The following PHLPP1 variants were observed in gnomAD, a reference collection of about 807,000 sequenced individuals.
PHLPP1 encodes PH domain and leucine rich repeat protein phosphatase 1.
A neutral mutation model predicts 117.2 loss-of-function variants in PHLPP1; 42 were observed. That is an observed-to-expected ratio of 0.36 (90% CI 0.28 to 0.46). PHLPP1 has a LOEUF of 0.46. Among genes scored for constraint, PHLPP1 ranks in the 20% least tolerant of loss-of-function variants. The probability of loss-of-function intolerance (pLI) is 1.00; values close to 1 mark genes in which losing one functional copy is unlikely to be tolerated. For synonymous variants in PHLPP1, 1,042 were observed against 970.7 expected (o/e 1.07, Z -1.37); for missense variants, 2,084 against 2,241.9 (o/e 0.93, Z 1.42).
chr18:62,922,924 T>C (rs1666934567), intron 10 of PHLPP1, among the ~76,000 whole-genome samples: 1 of 152,192 alleles, frequency 6.6e-6, no homozygotes, highest in Admixed American at 6.5e-5. Flanking sequence ...GTTGGCTTTG[T>C]AATTCTGTGC....
At chr18:62,916,481 T>C (rs1426247176) in intron 9 of PHLPP1, among the ~76,000 whole-genome samples, 2 of 151,938 alleles carry the variant, frequency 1.3e-5, no homozygotes, top group Non-Finnish European at 2.9e-5. Flanking sequence ...AATTTCATTA[T>C]GTTCTGCAGC....
chr18:62,780,819 A>T (rs1005538342), intron 1 of PHLPP1, among the ~76,000 whole-genome samples: 1 of 152,180 alleles, frequency 6.6e-6, no homozygotes, highest in Non-Finnish European at 1.5e-5. Flanking sequence ...CTGTATACTG[A>T]TGCATCTCAA....
chr18:62,874,812 A>T (rs1916007429), intron 4 of PHLPP1, among the ~76,000 whole-genome samples: 1 of 152,212 alleles, frequency 6.6e-6, no homozygotes, highest in Non-Finnish European at 1.5e-5. Flanking sequence ...ACACAGACGG[A>T]GGAGAATGGG....
At position 62,751,677 on chromosome 18, in the gene PHLPP1, G is replaced by C. The variant is rs1911858694; in HGVS notation, c.1576+34418G>C. 2.6e-5 allele frequency among the ~76,000 whole-genome samples: 4 copies of C among 152,140 alleles called. No individual in the cohort carries two copies. The East Asian group carries it at 7.7e-4, about 29-fold the overall frequency. On this transcript the variant is annotated intron_variant, in intron 1 of 16. Transcript: ENST00000262719. ...CCTGCACTATCTTTCCTGTCTGGAT[G>C]CCAGGCCCTATTCATGGTGTTCTCA...
At chr18:62,766,412 C>T (rs181925708) in intron 1 of PHLPP1, among the ~76,000 whole-genome samples, 41 of 152,008 alleles carry the variant, frequency 2.7e-4, no homozygotes, top group African/African-American at 9.2e-4. Context: ...GACTTATCTT[C>T]GAGTTTGGAA....
chr18:62,968,186 A>G (rs960268736), intron 14 of PHLPP1, among the ~76,000 whole-genome samples: 7 of 152,292 alleles, frequency 4.6e-5, no homozygotes, highest in Admixed American at 1.3e-4. Context: ...GAGGATGTCT[A>G]TATTCCATGG....
At chr18:62,774,376 G>T (rs1042541058) in intron 1 of PHLPP1, among the ~76,000 whole-genome samples, 1 of 152,178 alleles carries the variant, frequency 6.6e-6, no homozygotes, top group African/African-American at 2.4e-5. Flanking sequence ...TTTGTCAGCT[G>T]CCAATTGGGT....
At chr18:62,892,065 CT>C (rs1208326353) in intron 4 of PHLPP1, among the ~76,000 whole-genome samples, 8 of 132,076 alleles carry the variant, frequency 6.1e-5, no homozygotes, top group African/African-American at 2.1e-4. Flanking sequence ...CATTTTCTTT[CT>C]TTTCTTTCTT....
At chr18:62,848,600 A>G (rs560828282) in intron 3 of PHLPP1, among the ~76,000 whole-genome samples, 1 of 151,528 alleles carries the variant, frequency 6.6e-6, no homozygotes, top group Non-Finnish European at 1.5e-5. Context: ...AGTAACTGGG[A>G]CCACAGGCAT....
chr18:62,809,964 A>G (rs1467403704), intron 1 of PHLPP1, among the ~76,000 whole-genome samples: 1 of 152,218 alleles, frequency 6.6e-6, no homozygotes, highest in South Asian at 2.1e-4. Context: ...GCAAAAGTTT[A>G]TAAGATTGTT....
chr18:62,942,014 C>G (rs550794317), intron 11 of PHLPP1, 96 bp downstream of exon 11: 1 of 997,906 alleles, frequency 1.0e-6, no homozygotes, highest in Admixed American at 2.4e-5. Flanking sequence ...CAGGTGATGT[C>G]AAGTTTGTTT....
chr18:62,868,069 C>A (rs1476084692), intron 4 of PHLPP1, among the ~76,000 whole-genome samples: 1 of 152,130 alleles, frequency 6.6e-6, no homozygotes, highest in Non-Finnish European at 1.5e-5. Context: ...GTCAGCCTCC[C>A]AAAGTGCTGG....
At chr18:62,814,304 A>G (rs1251847462) in intron 1 of PHLPP1, among the ~76,000 whole-genome samples, 2 of 152,182 alleles carry the variant, frequency 1.3e-5, no homozygotes, top group South Asian at 2.1e-4. Context: ...GCTAAAAAGC[A>G]GTTAGTCTTA....
chr18:62,954,843 A>G (rs553207983), intron 12 of PHLPP1, among the ~76,000 whole-genome samples: 2 of 152,356 alleles, frequency 1.3e-5, no homozygotes, highest in South Asian at 4.1e-4. Context: ...GAAACACCTT[A>G]CAAGAGTCCT....
intron 10 of PHLPP1, among the ~76,000 whole-genome samples, chr18:62,929,528 A>G (rs1382633790): frequency 6.6e-6 from 1 of 152,222 alleles, no homozygotes; most frequent in African/African-American, 2.4e-5. Context: ...CCACCAAGAA[A>G]TAACTAGTAT....
rs752571717 is a variant in PHLPP1 at position 62,716,902 on chromosome 18, C to A, written c.1219C>A (p.Pro407Thr). The change falls in exon 1 of 17, where the codon CCC becomes ACC. Residue 407 changes from proline to threonine, a missense_variant. This residue lies in a region of PHLPP1 where 719 missense variants were observed against 636.0 expected (regional missense o/e 1.13). Transcript: ENST00000262719. This position sits in a 1 kb window ranked among gnomAD's most constrained non-coding sequence, Gnocchi z 5.7. ...PGHPAQPLPL[P>T]QTASSPQPQQ... ...CCACCCCGCGCAGCCCCTCCCGCTT[C>A]CCCAGACGGCTTCCTCGCCTCAGCC... 148 of 1,532,110 alleles carry A rather than the reference C, an allele frequency of 9.7e-5. No individual in the cohort carries two copies. Among genetic ancestry groups the A allele is most frequent in the Middle Eastern group, 1.7e-4 (1 of 5,878 alleles). The allele number at this position is 1,532,110 out of a possible 1,614,324, so 94.9% of individuals were successfully genotyped here. A position where few individuals can be genotyped will look rare whatever the true frequency, so the allele number is the denominator to read the frequency against.
intron 1 of PHLPP1, chr18:62,824,089 G>A (rs1914542243): frequency 2.3e-6 from 1 of 439,808 alleles, no homozygotes; most frequent in South Asian, 1.6e-5. Flanking sequence ...CCGAGATCAT[G>A]GCATTGCACT....
At chr18:62,789,067 A>G (rs994377506) in intron 1 of PHLPP1, among the ~76,000 whole-genome samples, 1 of 152,248 alleles carries the variant, frequency 6.6e-6, no homozygotes, top group Non-Finnish European at 1.5e-5. Flanking sequence ...ACAAAGCCAC[A>G]TCAAGGCTTT....
At chr18:62,804,251 C>G (rs764063355) in intron 1 of PHLPP1, among the ~76,000 whole-genome samples, 10 of 152,118 alleles carry the variant, frequency 6.6e-5, no homozygotes, top group Non-Finnish European at 1.2e-4. Flanking sequence ...GAGAAACTGC[C>G]CCCATGATCC....
Sources: allele counts gnomAD v4.1 joint callset (sites outside exome capture counted in the v4.1 genomes callset), GRCh38; gene constraint gnomAD v4.1.1; regional missense constraint gnomAD v4.1.1; non-coding constraint Gnocchi (gnomAD v3.1); transcripts MANE v1.5; gene names NCBI Gene and HGNC (gene_info 2026-07-23, HGNC 2026-07-21).